The following IGF2BP1 variants were observed in gnomAD, a reference collection of about 807,000 sequenced individuals.
IGF2BP1 encodes insulin-like growth factor 2 mRNA-binding protein 1.
Under a neutral mutation model 74.9 loss-of-function variants are expected in IGF2BP1, and 11 were observed. The observed-to-expected ratio is 0.15, with a 90% CI of 0.09 to 0.24. The LOEUF is 0.24. Among genes scored for constraint, IGF2BP1 ranks in the 10% least tolerant of loss-of-function variants. The pLI is 1.00. For synonymous variants in IGF2BP1, 287 were observed against 281.8 expected, an observed-to-expected ratio of 1.02 and a Z score of -0.18; for missense variants, 440 against 757.4, an observed-to-expected ratio of 0.58 and a Z score of 4.92.
Position 49,044,059 on chromosome 17 carries a change from C to G in IGF2BP1, c.1293C>G (p.Leu431=). Residue 431 remains leucine (L), a synonymous_variant, in exon 11 of 15, where the codon CTC becomes CTG. Transcript: ENST00000290341. The part of the protein sequence containing the change: ...IGKKGQHIKQ[L]SRFASASIKI... ...AGAAGGGGCAGCACATCAAACAGCTCTCCCGGTTTGCCAGCGCCTCCATCA... is the reference window on the plus strand; with the variant it reads ...AGAAGGGGCAGCACATCAAACAGCTGTCCCGGTTTGCCAGCGCCTCCATCA... The G allele has an allele frequency of 2.5e-6, 4 of 1,614,148 alleles. No homozygotes were observed. Among genetic ancestry groups the G allele is most frequent in the Non-Finnish European group, 3.4e-6 (4 of 1,180,026 alleles).
chr17:49,030,548 AG>A (rs141914458), intron 4 of IGF2BP1, among the ~76,000 whole-genome samples: 3,538 of 152,124 alleles, frequency 0.023, 133 homozygotes, highest in African/African-American at 0.081. Flanking sequence ...ATATCTTTGC[AG>A]GCCATTTCTT....
At chr17:49,034,813 A>T (rs1031107420) in intron 5 of IGF2BP1, among the ~76,000 whole-genome samples, 3 of 152,304 alleles carry the variant, frequency 2.0e-5, no homozygotes, top group Non-Finnish European at 1.5e-5. Flanking sequence ...GATGGAATCC[A>T]CAGAGGTGGA....
chr17:49,015,970 A>G (rs971270661), intron 2 of IGF2BP1, among the ~76,000 whole-genome samples: 2 of 152,152 alleles, frequency 1.3e-5, no homozygotes, highest in African/African-American at 2.4e-5. Context: ...CTTTCACCCC[A>G]CTAACAAATC....
intron 2 of IGF2BP1, chr17:49,012,936 G>C (rs6504592): frequency 0.92 from 139,229 of 152,036 alleles, 64,863 homozygotes; most frequent in African/African-American, 0.97. Context: ...ACCCAGTTAC[G>C]TTTTTTTCCT....
At chr17:49,025,558 G>C in intron 2 of IGF2BP1, 60 bp from the exon 3 acceptor site, 1 of 1,456,874 alleles carries the variant, frequency 6.9e-7, no homozygotes, top group Non-Finnish European at 9.6e-7. Context: ...GAAACTGCGA[G>C]TTCACAGACC....
intron 2 of IGF2BP1, among the ~76,000 whole-genome samples, chr17:49,007,668 A>G (rs1003676959): frequency 3.3e-5 from 5 of 152,244 alleles, no homozygotes; most frequent in Non-Finnish European, 4.4e-5. Context: ...GGGCTCGTCA[A>G]CTTTCCATTC....
intron 6 of IGF2BP1, among the ~76,000 whole-genome samples, chr17:49,038,812 A>G (rs2042016646): frequency 6.6e-6 from 1 of 152,014 alleles, no homozygotes; most frequent in African/African-American, 2.4e-5. Context: ...AACCTGTCCA[A>G]AATTAGGACC....
intron 8 of IGF2BP1, 53 bp from the exon 9 acceptor site, chr17:49,042,189 G>C (rs1394394026): frequency 6.2e-7 from 1 of 1,611,702 alleles, no homozygotes; most frequent in Admixed American, 1.7e-5. Context: ...GTTACTGCCG[G>C]GGCCTGGTCC....
chr17:49,052,459 T>C lies in IGF2BP1; in HGVS notation c.*3015T>C, dbSNP rs752775719. On this transcript the variant is annotated 3_prime_UTR_variant, in exon 15 of 15. Coordinates refer to ENST00000290341, the MANE Select transcript of IGF2BP1 (RefSeq NM_006546.4). Reference sequence around the variant, plus strand: ...TGAGCCCAAGTCCTTTTCCGTTGGCTGATTCAGCTCCCAGAAGAGACGAGG... The same window carrying C: ...TGAGCCCAAGTCCTTTTCCGTTGGCCGATTCAGCTCCCAGAAGAGACGAGG... 7.2e-5 allele frequency: 11 copies of C among 152,224 alleles called. No homozygotes were observed. Among genetic ancestry groups the C allele is most frequent in the Non-Finnish European group, 1.2e-4 (8 of 68,062 alleles). 9.4% of individuals were successfully genotyped at this position (152,224 alleles called of 1,614,324 possible).
Position 49,049,630 on chromosome 17 carries a change from C to G in IGF2BP1, c.*186C>G, listed in dbSNP as rs1356083495. ...CCCTGATCTCTCAGCCCCAAACACC[C>G]ACCCAATTGGCCCAACACTGTCTGC... On this transcript the variant is annotated 3_prime_UTR_variant, in exon 15 of 15. Transcript: ENST00000290341. 1 of 574,826 alleles carries G rather than the reference C, an allele frequency of 1.7e-6. No homozygotes were observed. The highest frequency in any genetic ancestry group is 3.1e-6 in the Non-Finnish European group (1 of 321,906). The allele number at this position is 574,826 out of a possible 1,614,324, so 35.6% of individuals were successfully genotyped here. A position where few individuals can be genotyped will look rare whatever the true frequency, so the allele number is the denominator to read the frequency against.
rs2042147213 is a variant in IGF2BP1 at position 49,049,675 on chromosome 17, T to G, written c.*231T>G. On this transcript the variant is annotated 3_prime_UTR_variant, in exon 15 of 15. Transcript: ENST00000290341. ...GTCTGCCCCTCGGGGTGTCAGAAAT[T>G]CTAGCGCAAGGCACTTTTAAACGTG... The G allele has an allele frequency of 2.0e-6, 1 of 493,916 alleles. No individual in the cohort carries two copies. The highest frequency in any genetic ancestry group is 2.0e-5 in the African/African-American group (1 of 50,950). 30.6% of individuals were successfully genotyped at this position (493,916 alleles called of 1,614,324 possible).
chr17:49,026,699 T>TCCTGCCTTCCTG (rs1555599047), intron 4 of IGF2BP1, among the ~76,000 whole-genome samples, 182 bp downstream of exon 4: 8 of 107,040 alleles, frequency 7.5e-5, no homozygotes, highest in Admixed American at 4.5e-4. Flanking sequence ...CTTCCTGCCT[T>TCCTGCCTTCCTG]CCTGCCTTCC....
chr17:49,028,084 G>T (rs530610045), intron 4 of IGF2BP1, among the ~76,000 whole-genome samples: 7 of 151,536 alleles, frequency 4.6e-5, no homozygotes, highest in Non-Finnish European at 1.0e-4. Flanking sequence ...GATTGCTGGA[G>T]CCCAGGAGGC....
rs575062387 is a variant in IGF2BP1 at position 49,001,123 on chromosome 17, TAA to T, written c.236+1959_236+1960del. Among the ~76,000 whole-genome samples, 40 of 152,280 alleles carry T rather than the reference TAA, an allele frequency of 2.6e-4. 2 individuals are homozygous for T. In the South Asian group the frequency reaches 7.9e-3, roughly 30 times the overall value. ...AATCAATTTTTGAAGTCTCAAGATT[TAA>T]AAAAGAAAGTTTGTTTTCATTAAGT... On this transcript the variant is annotated intron_variant, in intron 2 of 14. Transcript: ENST00000290341.
chr17:49,055,608 GA>G lies in IGF2BP1; in HGVS notation c.*6165del. 2.5e-6 allele frequency: 1 copy of G among 398,596 alleles called. No homozygotes were observed. The highest frequency in any genetic ancestry group is 4.4e-6 in the Non-Finnish European group (1 of 226,066). 24.7% of individuals were successfully genotyped at this position (398,596 alleles called of 1,614,324 possible). On this transcript the variant is annotated 3_prime_UTR_variant, in exon 15 of 15. Transcript: ENST00000290341. Reference sequence around the variant, plus strand: ...AGCACGTTCAAAATGAATTTCAGCAGATTATGTGTTACCATAATGAATAAAC... The same window carrying G: ...AGCACGTTCAAAATGAATTTCAGCAGTTATGTGTTACCATAATGAATAAAC...
chr17:49,027,312 A>G lies in IGF2BP1; in HGVS notation c.337+795A>G, dbSNP rs937494325. Among the ~76,000 whole-genome samples the G allele has an allele frequency of 6.6e-5, 10 of 152,278 alleles. 1 individual carries two copies. The highest frequency in any genetic ancestry group is 5.2e-4 in the Admixed American group (8 of 15,296). On this transcript the variant is annotated intron_variant, in intron 4 of 14. Coordinates refer to ENST00000290341, the MANE Select transcript of IGF2BP1 (RefSeq NM_006546.4). The stretch of plus-strand genomic sequence containing the variant: ...TTTTAGAACTAGTCTAAGAACAGAA[A>G]TCTTGCATTCAATCGGAGTTACTCT...
At chr17:49,042,168 C>T in intron 8 of IGF2BP1, 74 bp from the exon 9 acceptor site, 2 of 1,594,830 alleles carry the variant, frequency 1.3e-6, no homozygotes, top group Non-Finnish European at 1.7e-6. Context: ...CTCAGCTGGC[C>T]TCTCGTCTTT....
In IGF2BP1 at chr17:49,053,672, G is replaced by A. The variant is rs984231864; in HGVS notation, c.*4228G>A. The A allele has an allele frequency of 2.6e-5, 4 of 152,838 alleles. No individual in the cohort carries two copies. Among genetic ancestry groups the A allele is most frequent in the Admixed American group, 2.6e-4 (4 of 15,300 alleles). The allele number at this position is 152,838 out of a possible 1,614,324, so 9.5% of individuals were successfully genotyped here. ...GGTGCCTTCCCCTCCTCCCAACCCAGACATACCCTCTGCCAAACTGGGAAC... is the reference window on the plus strand; with the variant it reads ...GGTGCCTTCCCCTCCTCCCAACCCAAACATACCCTCTGCCAAACTGGGAAC... On this transcript the variant is annotated 3_prime_UTR_variant, in exon 15 of 15. Transcript: ENST00000290341.
chr17:49,032,066 T>A, intron 5 of IGF2BP1, 93 bp downstream of exon 5: 1 of 1,118,256 alleles, frequency 8.9e-7, no homozygotes, highest in Non-Finnish European at 1.3e-6. Flanking sequence ...CAGGGGGGTC[T>A]AGGCAGGCTG....
Sources: allele counts gnomAD v4.1 joint callset (sites outside exome capture counted in the v4.1 genomes callset), GRCh38; gene constraint gnomAD v4.1.1; transcripts MANE v1.5; gene names NCBI Gene and HGNC (gene_info 2026-07-23, HGNC 2026-07-21).